EBF4: variants seen among roughly 807,000 people sequenced by gnomAD.
EBF4 encodes EBF transcription factor 4.
EBF4 carries 34 observed loss-of-function variants against 67.1 expected under a neutral mutation model. That is an observed-to-expected ratio of 0.51 (90% confidence interval 0.39 to 0.67). The LOEUF is 0.67. EBF4 is among the 30% of genes least tolerant of loss of function. The probability of loss-of-function intolerance (pLI) is 0.00; values close to 1 mark genes in which losing one functional copy is unlikely to be tolerated. For missense variants in EBF4, 837 were observed against 873.3 expected, an observed-to-expected ratio of 0.96 and a Z score of 0.52; for synonymous variants, 387 against 377.7, an observed-to-expected ratio of 1.02 and a Z score of -0.29.
At chr20:2,701,471 A>G (rs1236559796) in intron 1 of EBF4, among the ~76,000 whole-genome samples, 2 of 152,164 alleles carry the variant, frequency 1.3e-5, no homozygotes, top group African/African-American at 4.8e-5. Context: ...CAGACTTCCC[A>G]GGTCTGGTCC....
At chr20:2,708,216 C>T (rs1396325698) in intron 5 of EBF4, among the ~76,000 whole-genome samples, 196 bp downstream of exon 5, 1 of 152,174 alleles carries the variant, frequency 6.6e-6, no homozygotes, top group African/African-American at 2.4e-5. Flanking sequence ...GTCCTTGAGG[C>T]CCCATTAGCC....
In EBF4 at chr20:2,693,667, C is replaced by G. The variant is rs955317458; in HGVS notation, c.22C>G (p.Leu8Val). Residue 8 changes from leucine to valine, a missense_variant, in exon 1 of 17, where the codon CTG becomes GTG. By Grantham distance (32) the Leu-to-Val change is conservative. Around this residue, in one of 3 missense-constraint regions of EBF4, gnomAD observed 86 missense variants for 70.3 expected, o/e 1.22. Transcript: ENST00000609451. The surrounding 1 kb of genome is among the most constrained non-coding windows in gnomAD (Gnocchi z 4.6). ...CCTCATGTTCCCTGCGCAGGACGCT[C>G]TGCCCCGCAGCGGGCTGAACCTGAA... The G allele has an allele frequency of 3.0e-5, 43 of 1,446,318 alleles. No homozygotes were observed. In the African/African-American group the frequency reaches 3.7e-4, roughly 13 times the overall value. 89.6% of individuals were successfully genotyped at this position (1,446,318 alleles called of 1,614,324 possible).
intron 6 of EBF4, among the ~76,000 whole-genome samples, chr20:2,737,486 T>C (rs2146464817): frequency 6.6e-6 from 1 of 152,130 alleles, no homozygotes; most frequent in Non-Finnish European, 1.5e-5. Context: ...GAGCTTCAGT[T>C]CCCTAATGTG....
At chr20:2,732,815 T>C (rs2087831880) in intron 6 of EBF4, among the ~76,000 whole-genome samples, 1 of 135,942 alleles carries the variant, frequency 7.4e-6, no homozygotes, top group Admixed American at 7.3e-5. Flanking sequence ...TTATTTTTTC[T>C]TTTTCTTATT....
At chr20:2,704,873 C>A (rs1262168807) in intron 1 of EBF4, among the ~76,000 whole-genome samples, 2 of 152,258 alleles carry the variant, frequency 1.3e-5, no homozygotes, top group Non-Finnish European at 2.9e-5. Flanking sequence ...CCTGCTCTCA[C>A]TCTGGCCTTG....
chr20:2,706,853 C>T (rs1006232208), intron 4 of EBF4, among the ~76,000 whole-genome samples: 17 of 152,310 alleles, frequency 1.1e-4, no homozygotes, highest in Admixed American at 1.1e-3. Context: ...GTGGGCACAG[C>T]CCTGGGAATT....
chr20:2,723,663 T>C (rs554233269), intron 6 of EBF4, among the ~76,000 whole-genome samples: 1 of 152,364 alleles, frequency 6.6e-6, no homozygotes, highest in East Asian at 1.9e-4. Flanking sequence ...GTTTCTCTTT[T>C]AATAGCACGT....
At chr20:2,718,792 T>C (rs1423268838) in intron 6 of EBF4, among the ~76,000 whole-genome samples, 1 of 152,186 alleles carries the variant, frequency 6.6e-6, no homozygotes, top group Non-Finnish European at 1.5e-5. Context: ...TCCACTTTGG[T>C]ATTTATTTCC....
chr20:2,709,744 C>G (rs938681729), intron 6 of EBF4, 102 bp downstream of exon 6: 2 of 1,183,032 alleles, frequency 1.7e-6, no homozygotes, highest in East Asian at 3.0e-5. Context: ...AGCGGAGCAG[C>G]CCCCCCGGGG....
chr20:2,726,179 G>A (rs2087744265), intron 6 of EBF4, among the ~76,000 whole-genome samples: 1 of 152,006 alleles, frequency 6.6e-6, no homozygotes, highest in South Asian at 2.1e-4. Flanking sequence ...GTTCCCAAAT[G>A]TAATTGTATG....
chr20:2,752,947 A>G (rs1323717323), intron 14 of EBF4, among the ~76,000 whole-genome samples: 3 of 152,206 alleles, frequency 2.0e-5, no homozygotes, highest in Admixed American at 2.0e-4. Flanking sequence ...CGGAAGCCTA[A>G]GGAAACTCAG....
rs759588098 is a variant in EBF4 at position 2,705,557 on chromosome 20, C to T, written c.138-20C>T. On this transcript the variant is annotated intron_variant, in intron 1 of 16. Transcript: ENST00000609451. ...ACTGGGGGGCCTTCCAGTGGTTTTC[C>T]AGCTCTTTTCCTCCCACAGTGGCGT... 7.4e-4 allele frequency: 1,142 copies of T among 1,551,686 alleles called. 3 individuals carry two copies. The highest frequency in any genetic ancestry group is 7.0e-3 in the Middle Eastern group (42 of 5,992).
At chr20:2,699,385 C>T (rs1344034875) in intron 1 of EBF4, among the ~76,000 whole-genome samples, 42 of 152,192 alleles carry the variant, frequency 2.8e-4, no homozygotes, top group Non-Finnish European at 4.4e-5. Context: ...ATCTGTGCAA[C>T]GTAAATCTTT....
chr20:2,731,120 A>G (rs2087808234), intron 6 of EBF4, among the ~76,000 whole-genome samples: 1 of 152,032 alleles, frequency 6.6e-6, no homozygotes, highest in East Asian at 1.9e-4. Flanking sequence ...GCTGGTCTCA[A>G]TCTCGTGACC....
intron 5 of EBF4, 74 bp downstream of exon 5, chr20:2,708,094 C>T: frequency 6.9e-7 from 1 of 1,451,286 alleles, no homozygotes; most frequent in Middle Eastern, 1.8e-4. Context: ...GGCCCTGCCC[C>T]CTCGCCGCCC....
intron 10 of EBF4, among the ~76,000 whole-genome samples, 161 bp downstream of exon 10, chr20:2,750,134 G>T (rs1029420987): frequency 1.3e-4 from 20 of 151,958 alleles, no homozygotes; most frequent in African/African-American, 4.8e-4. Flanking sequence ...GCCTGTGATC[G>T]CTCCGCTCGC....
At chr20:2,723,072 A>G (rs1234620603) in intron 6 of EBF4, among the ~76,000 whole-genome samples, 1 of 152,184 alleles carries the variant, frequency 6.6e-6, no homozygotes, top group East Asian at 1.9e-4. Flanking sequence ...CTGTTGTTCC[A>G]TCAATTTTTG....
chr20:2,718,288 A>G (rs1264209210), intron 6 of EBF4, among the ~76,000 whole-genome samples: 1 of 152,174 alleles, frequency 6.6e-6, no homozygotes, highest in Non-Finnish European at 1.5e-5. Flanking sequence ...GGATTGGGGT[A>G]ATGCTGGCCT....
At chr20:2,693,569 C>T (rs1391456009), upstream of EBF4, 6 of 1,292,218 alleles carry the variant, frequency 4.6e-6, no homozygotes, top group African/African-American at 4.6e-5. This position sits in a 1 kb window ranked among gnomAD's most constrained non-coding sequence, Gnocchi z 4.6. Context: ...GCCGTCGGGT[C>T]GGGCTGAGCT....
Sources: allele counts gnomAD v4.1 joint callset (sites outside exome capture counted in the v4.1 genomes callset), GRCh38; gene constraint gnomAD v4.1.1; regional missense constraint gnomAD v4.1.1; non-coding constraint Gnocchi (gnomAD v3.1); transcripts MANE v1.5; gene names NCBI Gene and HGNC (gene_info 2026-07-23, HGNC 2026-07-21).